The following PCGF3 variants were observed in gnomAD, a reference collection of about 807,000 sequenced individuals.
PCGF3 encodes polycomb group RING finger protein 3.
Under a neutral mutation model 33.1 loss-of-function variants are expected in PCGF3, and 7 were observed. That is an observed-to-expected ratio of 0.21 (90% CI 0.12 to 0.40). The LOEUF (loss-of-function observed/expected upper bound fraction) is 0.40. Among genes scored for constraint, PCGF3 ranks in the 10% least tolerant of loss-of-function variants. PCGF3 has a pLI of 1.00. For missense variants in PCGF3, 211 were observed against 313.3 expected, an observed-to-expected ratio of 0.67 and a Z score of 2.46; for synonymous variants, 153 against 121.3, an observed-to-expected ratio of 1.26 and a Z score of -1.72.
chr4:768,745 C>T (rs1745490541), exon 11 of PCGF3: 6 of 152,480 alleles, frequency 3.9e-5, no homozygotes, highest in African/African-American at 1.2e-4. Flanking sequence ...CATATTTTCC[C>T]ATCCAATTGT....
intron 9 of PCGF3, among the ~76,000 whole-genome samples, chr4:763,388 C>CGCT (rs1251393426): frequency 5.3e-5 from 8 of 151,906 alleles, no homozygotes; most frequent in African/African-American, 1.9e-4. Context: ...GTGAGGTTTG[C>CGCT]GCTGCTGCTG....
chr4:725,615 C>T (rs1033505675), intron 1 of PCGF3, among the ~76,000 whole-genome samples: 1 of 148,872 alleles, frequency 6.7e-6, no homozygotes. Flanking sequence ...TGTGGGCTGC[C>T]GAGGGCTGCT....
At chr4:717,491 C>G (rs889802075) in intron 1 of PCGF3, among the ~76,000 whole-genome samples, 1 of 152,140 alleles carries the variant, frequency 6.6e-6, no homozygotes, top group Non-Finnish European at 1.5e-5. Context: ...GGGATTCTCC[C>G]GTCTCAGCCT....
intron 6 of PCGF3, among the ~76,000 whole-genome samples, chr4:738,723 G>T (rs1409096983): frequency 6.6e-6 from 1 of 151,890 alleles, no homozygotes; most frequent in East Asian, 1.9e-4. Flanking sequence ...GTCGGGCGTG[G>T]TGTCAGGTGC....
At chr4:737,602 C>T (rs890107222) in intron 6 of PCGF3, 81 bp downstream of exon 6, 5 of 857,498 alleles carry the variant, frequency 5.8e-6, no homozygotes, top group Admixed American at 1.9e-5. Context: ...GTTTGGTTCT[C>T]GGATGGGAGG....
At chr4:743,675 C>T in intron 7 of PCGF3, 91 bp downstream of exon 7, 1 of 735,152 alleles carries the variant, frequency 1.4e-6, no homozygotes, top group Non-Finnish European at 2.4e-6. Flanking sequence ...CGGCCCCTCC[C>T]ACACGCACTC....
rs202051478 is a variant in PCGF3 at position 737,436 on chromosome 4, G to T, written c.207-30G>T. The T allele has an allele frequency of 5.6e-4, 843 of 1,495,348 alleles. 4 individuals carry two copies. In the African/African-American group the frequency reaches 9.6e-3, roughly 17 times the overall value. 92.6% of individuals were successfully genotyped at this position (1,495,348 alleles called of 1,614,324 possible). A position where few individuals can be genotyped will look rare whatever the true frequency, so the allele number is the denominator to read the frequency against. On this transcript the variant is annotated intron_variant, in intron 5 of 10. Transcript: ENST00000362003. ...AAGAATTATAGAATTAACATTTCCA[G>T]CTAACTCCACCTTTCTGTTCTTTTG... is the stretch of plus-strand genomic sequence containing the variant.
intron 8 of PCGF3, among the ~76,000 whole-genome samples, chr4:750,444 GT>G (rs1744462159): frequency 6.6e-6 from 1 of 152,168 alleles, no homozygotes; most frequent in South Asian, 2.1e-4. Flanking sequence ...GCTGGTTGGT[GT>G]GGTGGGTAAA....
chr4:756,116 T>C (rs1744758215), intron 8 of PCGF3, among the ~76,000 whole-genome samples: 1 of 151,848 alleles, frequency 6.6e-6, no homozygotes, highest in Non-Finnish European at 1.5e-5. Context: ...GGTTTCTCCA[T>C]GTTGATCAGG....
At chr4:768,825 TTTTAC>T (rs1293005886) in exon 11 of PCGF3, 3 of 152,676 alleles carry the variant, frequency 2.0e-5, no homozygotes, top group East Asian at 1.9e-4. Flanking sequence ...GCAAGCTTCT[TTTTAC>T]TTTGAGTAGC....
exon 11 of PCGF3, chr4:769,476 C>CA (rs1553850073): frequency 1.3e-5 from 2 of 152,742 alleles, no homozygotes; most frequent in Non-Finnish European, 2.9e-5. Context: ...GCCACCACAT[C>CA]ACATGACCTT....
rs148826152 is a variant in PCGF3 at position 748,849 on chromosome 4, T to A, written c.462+4161T>A. The stretch of plus-strand genomic sequence containing the variant: ...CTGGTTGGCCTTTGTTAGGTACTTG[T>A]CCTTACAGCAGTTCCCCAGTGGTGA... On this transcript the variant is annotated intron_variant, in intron 8 of 10. Transcript: ENST00000362003. Among the ~76,000 whole-genome samples, 821 of 152,250 alleles carry A rather than the reference T, an allele frequency of 5.4e-3. 11 individuals are homozygous for A. The highest frequency in any genetic ancestry group is 0.018 in the African/African-American group (765 of 41,532).
Position 737,532 on chromosome 4 carries a change from G to C in PCGF3, c.262+11G>C, listed in dbSNP as rs1743887040. On this transcript the variant is annotated intron_variant, in intron 6 of 10. Coordinates refer to ENST00000362003, the Ensembl canonical transcript of PCGF3. ...CAGGCCTCCAAGAAGGTGAGTGTCT[G>C]ACTGTCTTGCTGATCCCTGAGGTCC... 1 of 1,578,430 alleles carries C rather than the reference G, an allele frequency of 6.3e-7. No individual in the cohort carries two copies. Among genetic ancestry groups the C allele is most frequent in the Non-Finnish European group, 8.7e-7 (1 of 1,147,636 alleles).
chr4:713,416 C>T (rs1742666909), intron 1 of PCGF3, among the ~76,000 whole-genome samples: 1 of 143,882 alleles, frequency 7.0e-6, no homozygotes, highest in African/African-American at 2.6e-5. Flanking sequence ...GGGGCTGTGG[C>T]CTCGTGGGGG....
intron 1 of PCGF3, among the ~76,000 whole-genome samples, chr4:728,451 C>T (rs1030318365): frequency 6.6e-6 from 1 of 151,210 alleles, no homozygotes; most frequent in African/African-American, 2.4e-5. Context: ...TGTTAAGTGT[C>T]GTAAGTAATC....
At chr4:759,930 C>T (rs190722930) in intron 8 of PCGF3, among the ~76,000 whole-genome samples, 4 of 149,914 alleles carry the variant, frequency 2.7e-5, no homozygotes, top group East Asian at 3.9e-4. Context: ...CTTCTCCTTC[C>T]GGACTCCGGG....
At chr4:755,146 C>G (rs780168243) in intron 8 of PCGF3, among the ~76,000 whole-genome samples, 4 of 152,248 alleles carry the variant, frequency 2.6e-5, no homozygotes, top group Non-Finnish European at 4.4e-5. Flanking sequence ...GCAGAGCACA[C>G]GGCGTTGTGT....
intron 1 of PCGF3, among the ~76,000 whole-genome samples, chr4:724,226 C>T (rs1258973205): frequency 3.3e-5 from 5 of 152,168 alleles, no homozygotes; most frequent in East Asian, 3.9e-4. Context: ...GGATCGGCTG[C>T]GGGAGACAGG....
intron 6 of PCGF3, among the ~76,000 whole-genome samples, chr4:739,940 T>A (rs1423434049): frequency 6.6e-6 from 1 of 152,218 alleles, no homozygotes; most frequent in Non-Finnish European, 1.5e-5. Context: ...GCCACCATAT[T>A]TTCCGTTGAG....
Sources: gnomAD v4.1 joint callset for allele counts (sites outside exome capture counted in the v4.1 genomes callset) on GRCh38, gnomAD v4.1.1 for gene constraint, MANE v1.5 for transcripts, NCBI Gene and HGNC (gene_info 2026-07-23, HGNC 2026-07-21) for gene names.